The following PDGFD variants were observed in gnomAD, a reference collection of about 807,000 sequenced individuals.
PDGFD encodes the protein platelet derived growth factor D.
A neutral mutation model predicts 44.7 loss-of-function variants in PDGFD; 30 were observed. The ratio of observed to expected loss-of-function variants is 0.67; its 90% CI spans 0.50 to 0.91. PDGFD has a LOEUF of 0.91. Among genes scored for constraint, PDGFD ranks in the 40% least tolerant of loss-of-function variants. The pLI, the probability that PDGFD is intolerant of heterozygous loss-of-function variation, is 0.00. For synonymous variants in PDGFD, 173 were observed against 168.4 expected, an observed-to-expected ratio of 1.03 and a Z score of -0.21; for missense variants, 445 against 457.8, an observed-to-expected ratio of 0.97 and a Z score of 0.25.
At chr11:104,074,295 G>A (rs980602643) in intron 1 of PDGFD, among the ~76,000 whole-genome samples, 3 of 152,278 alleles carry the variant, frequency 2.0e-5, no homozygotes, top group East Asian at 3.9e-4. Flanking sequence ...ACAGTACATC[G>A]TTGCTGTTTT....
At chr11:104,035,561 CTTTTTTTTTTTTTT>C (rs3050598) in intron 1 of PDGFD, among the ~76,000 whole-genome samples, 2 of 115,286 alleles carry the variant, frequency 1.7e-5, no homozygotes, top group African/African-American at 6.9e-5. Context: ...ACTTCTTTTT[CTTTTTTTTTTTTTT>C]TTTTTTTGGA....
chr11:103,912,333 T>A (rs899225302), intron 6 of PDGFD, among the ~76,000 whole-genome samples: 1 of 152,152 alleles, frequency 6.6e-6, no homozygotes, highest in African/African-American at 2.4e-5. Context: ...TTCCACATTC[T>A]TAAAGAAAAT....
intron 1 of PDGFD, among the ~76,000 whole-genome samples, chr11:104,141,151 T>C (rs1162062872): frequency 2.0e-5 from 3 of 152,202 alleles, no homozygotes; most frequent in Admixed American, 6.5e-5. Flanking sequence ...CTGTTTAGCC[T>C]AGTTTCTAAG....
At chr11:104,125,912 T>C (rs965861425) in intron 1 of PDGFD, among the ~76,000 whole-genome samples, 1 of 152,144 alleles carries the variant, frequency 6.6e-6, no homozygotes, top group African/African-American at 2.4e-5. Flanking sequence ...TTCAGAAAAC[T>C]AGAATAACAG....
intron 3 of PDGFD, among the ~76,000 whole-genome samples, chr11:103,949,280 G>C (rs1454386900): frequency 6.6e-6 from 1 of 152,088 alleles, no homozygotes; most frequent in Non-Finnish European, 1.5e-5. Context: ...TGGGATTACA[G>C]GCATGAGCCA....
chr11:104,117,011 C>G (rs183928680), intron 1 of PDGFD, among the ~76,000 whole-genome samples: 2 of 151,918 alleles, frequency 1.3e-5, no homozygotes. Context: ...AGTGTGCAAA[C>G]GGACCAATAT....
At chr11:103,911,369 A>G (rs1858026203) in intron 6 of PDGFD, among the ~76,000 whole-genome samples, 1 of 152,178 alleles carries the variant, frequency 6.6e-6, no homozygotes, top group South Asian at 2.1e-4. Flanking sequence ...ACTCCAGCAG[A>G]CCTGCAGCAG....
chr11:104,154,125 A>C (rs1862277038), intron 1 of PDGFD, among the ~76,000 whole-genome samples: 1 of 152,198 alleles, frequency 6.6e-6, no homozygotes, highest in East Asian at 1.9e-4. Context: ...TAGTTGTATA[A>C]ATTGATAGGG....
At chr11:103,936,988 G>A (rs889782512) in intron 5 of PDGFD, among the ~76,000 whole-genome samples, 2 of 151,726 alleles carry the variant, frequency 1.3e-5, no homozygotes, top group Non-Finnish European at 2.9e-5. Flanking sequence ...TTCACGCGTG[G>A]CTAACTTTTG....
rs142898163 is a variant in PDGFD, at chr11:103,986,729, C to T, written c.510+9336G>A. The stretch of plus-strand genomic sequence containing the variant: ...TAACAGCTCTTTCTCAAAACAAACC[C>T]CCTTCCTGACTGGGGACTAAACTGT... On this transcript the variant is annotated intron_variant, in intron 3 of 6. Transcript: ENST00000393158. Among the ~76,000 whole-genome samples the T allele has an allele frequency of 6.5e-3, 987 of 152,244 alleles. 10 individuals are homozygous for T. Among genetic ancestry groups the T allele is most frequent in the African/African-American group, 0.023 (949 of 41,552 alleles).
chr11:104,161,906 T>C (rs777227046), intron 1 of PDGFD, among the ~76,000 whole-genome samples: 13 of 151,914 alleles, frequency 8.6e-5, no homozygotes, highest in Non-Finnish European at 1.9e-4. Flanking sequence ...TAAGATGACA[T>C]TGACATTGAG....
chr11:104,146,729 T>C lies in PDGFD; in HGVS notation c.124+17075A>G, dbSNP rs551338936. 7.9e-5 allele frequency among the ~76,000 whole-genome samples: 12 copies of C among 152,286 alleles called. No homozygotes were observed. In the South Asian group the frequency reaches 2.1e-3, roughly 26 times the overall value. On this transcript the variant is annotated intron_variant, in intron 1 of 6. Transcript: ENST00000393158. The stretch of plus-strand genomic sequence containing the variant: ...CAGACGTTTTCCTCCTGCTATGAGT[T>C]GGAGCTTCATCTGAATTGTACTTGG...
At chr11:103,936,332 G>A (rs910440190) in intron 5 of PDGFD, among the ~76,000 whole-genome samples, 4 of 152,068 alleles carry the variant, frequency 2.6e-5, no homozygotes, top group African/African-American at 9.7e-5. Flanking sequence ...AAAATTGCAA[G>A]CACTCAGTTT....
At chr11:104,139,317 C>T (rs1413218571) in intron 1 of PDGFD, among the ~76,000 whole-genome samples, 2 of 152,056 alleles carry the variant, frequency 1.3e-5, no homozygotes, top group East Asian at 1.9e-4. Context: ...TTCCTCAGAG[C>T]ATAATACATG....
chr11:104,095,151 C>T (rs942088044), intron 1 of PDGFD, among the ~76,000 whole-genome samples: 4 of 152,084 alleles, frequency 2.6e-5, no homozygotes, highest in African/African-American at 9.7e-5. Flanking sequence ...CTCTGATCAC[C>T]TACCAAACCT....
At chr11:103,957,192 G>A (rs2134333876) in intron 3 of PDGFD, among the ~76,000 whole-genome samples, 1 of 152,210 alleles carries the variant, frequency 6.6e-6, no homozygotes, top group South Asian at 2.1e-4. Flanking sequence ...ATGGTTTTAG[G>A]TCTAACGTTT....
At chr11:104,022,135 G>A (rs993813329) in intron 1 of PDGFD, among the ~76,000 whole-genome samples, 9 of 152,146 alleles carry the variant, frequency 5.9e-5, no homozygotes, top group Non-Finnish European at 1.2e-4. Flanking sequence ...ATTCACGAAA[G>A]AGTAGGGATT....
chr11:104,084,382 A>C (rs561903993), intron 1 of PDGFD, among the ~76,000 whole-genome samples: 23 of 152,154 alleles, frequency 1.5e-4, no homozygotes, highest in Non-Finnish European at 3.1e-4. Flanking sequence ...AATCAGCCTT[A>C]AAGAGATCTG....
intron 1 of PDGFD, chr11:104,036,776 T>C: frequency 6.7e-7 from 1 of 1,499,846 alleles, no homozygotes; most frequent in Non-Finnish European, 9.2e-7. Flanking sequence ...AGCCCGCCAG[T>C]GAGCCGCCCA....
Sources: gnomAD v4.1 joint callset for allele counts (sites outside exome capture counted in the v4.1 genomes callset) on GRCh38, gnomAD v4.1.1 for gene constraint, MANE v1.5 for transcripts, NCBI Gene and HGNC (gene_info 2026-07-23, HGNC 2026-07-21) for gene names.